The following GRIN2B variants were observed in gnomAD, a reference collection of about 807,000 sequenced individuals.
GRIN2B encodes glutamate ionotropic receptor NMDA type subunit 2B.
In GRIN2B, 5 loss-of-function variants were observed where a neutral mutation model predicts 114.5. The ratio of observed to expected loss-of-function variants is 0.04; its 90% CI spans 0.02 to 0.09. GRIN2B has a LOEUF of 0.09. Among genes scored for constraint, GRIN2B ranks in the 10% least tolerant of loss-of-function variants. The pLI, the probability that GRIN2B is intolerant of heterozygous loss-of-function variation, is 1.00. For missense variants in GRIN2B, 1,108 were observed against 1,943.5 expected, an observed-to-expected ratio of 0.57 and a Z score of 8.08; for synonymous variants, 787 against 745.1, an observed-to-expected ratio of 1.06 and a Z score of -0.92.
chr12:13,666,429 A>G (rs572676512), intron 5 of GRIN2B, among the ~76,000 whole-genome samples: 5 of 152,294 alleles, frequency 3.3e-5, no homozygotes, highest in Non-Finnish European at 5.9e-5. Context: ...CTCTGTCAGG[A>G]TAAACTAAAA....
chr12:13,790,930 C>T (rs116962554), intron 3 of GRIN2B, among the ~76,000 whole-genome samples: 2,485 of 152,186 alleles, frequency 0.016, 40 homozygotes, highest in Middle Eastern at 0.071. Context: ...GGCTGCTGTT[C>T]CAGTGGGAGT....
chr12:13,869,442 T>C (rs1175580507), intron 2 of GRIN2B, among the ~76,000 whole-genome samples: 2 of 152,114 alleles, frequency 1.3e-5, no homozygotes, highest in African/African-American at 4.8e-5. Flanking sequence ...GTTTCTACCA[T>C]TAGGTTGAAC....
Position 13,562,611 on chromosome 12 carries a change from T to C in GRIN2B, c.*172A>G, listed in dbSNP as rs1948559927. The C allele has an allele frequency of 1.6e-6, 1 of 640,814 alleles. No individual in the cohort carries two copies. Among genetic ancestry groups the C allele is most frequent in the Non-Finnish European group, 2.8e-6 (1 of 358,682 alleles). The allele number at this position is 640,814 out of a possible 1,614,324, so 39.7% of individuals were successfully genotyped here. On this transcript the variant is annotated 3_prime_UTR_variant, in exon 14 of 14. Coordinates refer to ENST00000609686, the MANE Select transcript of GRIN2B (RefSeq NM_000834.5). ...TGAAAAGGAGGAGAGATGGTGCTGG[T>C]CACCAGGGTTGCCCCCAGTAGGAAC...
chr12:13,575,837 C>G (rs1170902021), intron 10 of GRIN2B, among the ~76,000 whole-genome samples: 1 of 151,988 alleles, frequency 6.6e-6, no homozygotes, highest in Non-Finnish European at 1.5e-5. Flanking sequence ...ATTTATGGAC[C>G]TACCCTCTTT....
In GRIN2B at chr12:13,680,851, T is replaced by G. The variant is rs143031600; in HGVS notation, c.1011-4992A>C. Among the ~76,000 whole-genome samples, 11 of 152,168 alleles carry G rather than the reference T, an allele frequency of 7.2e-5. No homozygotes were observed. In the East Asian group the frequency reaches 2.1e-3, roughly 29 times the overall value. ...ATATAGATCCCTAATACAGACTGCA[T>G]AAAACAAAATCTATCTTAGATGATT... On this transcript the variant is annotated intron_variant, in intron 4 of 13. Coordinates refer to ENST00000609686, the MANE Select transcript of GRIN2B (RefSeq NM_000834.5).
chr12:13,887,140 C>G (rs1015987460), intron 2 of GRIN2B, among the ~76,000 whole-genome samples: 5 of 152,082 alleles, frequency 3.3e-5, no homozygotes, highest in African/African-American at 1.2e-4. Context: ...AGATTTCAAG[C>G]CAAAAATTAT....
intron 2 of GRIN2B, among the ~76,000 whole-genome samples, chr12:13,956,948 G>A (rs533916932): frequency 6.6e-6 from 1 of 152,260 alleles, no homozygotes; most frequent in South Asian, 2.1e-4. Context: ...TGTATAAACA[G>A]ACTCAATTTA....
intron 3 of GRIN2B, among the ~76,000 whole-genome samples, chr12:13,855,134 C>T (rs1565563650): frequency 6.6e-6 from 1 of 151,338 alleles, no homozygotes; most frequent in Non-Finnish European, 1.5e-5. Context: ...AGCAGAATCA[C>T]TTGAACCTGG....
intron 3 of GRIN2B, among the ~76,000 whole-genome samples, chr12:13,850,062 G>A (rs1175306672): frequency 1.3e-5 from 2 of 152,198 alleles, no homozygotes; most frequent in African/African-American, 4.8e-5. Flanking sequence ...GGAGGGTGCT[G>A]AGGGGGACAA....
At chr12:13,728,390 A>G (rs1863028486) in intron 4 of GRIN2B, among the ~76,000 whole-genome samples, 1 of 152,192 alleles carries the variant, frequency 6.6e-6, no homozygotes, top group Non-Finnish European at 1.5e-5. Flanking sequence ...TTAATATTTC[A>G]TCATCCAGCC....
intron 2 of GRIN2B, among the ~76,000 whole-genome samples, chr12:13,939,543 C>CATTT (rs781345220): frequency 1.7e-4 from 15 of 88,042 alleles, no homozygotes; most frequent in African/African-American, 5.3e-4. Context: ...CTGCACCGTG[C>CATTT]TTTTTTTTTT....
chr12:13,977,850 C>A (rs761499694), intron 2 of GRIN2B, among the ~76,000 whole-genome samples: 14 of 152,176 alleles, frequency 9.2e-5, no homozygotes, highest in Non-Finnish European at 1.5e-4. Flanking sequence ...TCTTAACAAG[C>A]CTCTTCCAGT....
At chr12:13,843,118 A>G (rs1407507624) in intron 3 of GRIN2B, among the ~76,000 whole-genome samples, 1 of 149,106 alleles carries the variant, frequency 6.7e-6, no homozygotes, top group Non-Finnish European at 1.5e-5. Context: ...GGGGAAAAAA[A>G]AAAAAAAAAC....
At chr12:13,584,149 C>A (rs1948887768) in intron 10 of GRIN2B, among the ~76,000 whole-genome samples, 1 of 152,196 alleles carries the variant, frequency 6.6e-6, no homozygotes, top group Non-Finnish European at 1.5e-5. Flanking sequence ...CCCTCACCCA[C>A]TCCTCAGGAG....
intron 2 of GRIN2B, among the ~76,000 whole-genome samples, chr12:13,893,545 T>G (rs979805784): frequency 1.3e-5 from 2 of 152,144 alleles, no homozygotes; most frequent in African/African-American, 4.8e-5. Context: ...TAATCATTAT[T>G]AACTAATGCC....
At chr12:13,744,419 G>T (rs1330559718) in intron 4 of GRIN2B, among the ~76,000 whole-genome samples, 2 of 152,186 alleles carry the variant, frequency 1.3e-5, no homozygotes, top group Non-Finnish European at 2.9e-5. Flanking sequence ...ACATGAATAT[G>T]AGTGTGTGCG....
chr12:13,886,192 T>C (rs1342011847), intron 2 of GRIN2B, among the ~76,000 whole-genome samples: 5 of 152,220 alleles, frequency 3.3e-5, no homozygotes, highest in South Asian at 4.1e-4. Context: ...AAGGCAAAGA[T>C]TATTTTCAGT....
intron 5 of GRIN2B, among the ~76,000 whole-genome samples, chr12:13,662,691 C>T (rs956991780): frequency 6.6e-6 from 1 of 152,092 alleles, no homozygotes; most frequent in Non-Finnish European, 1.5e-5. Context: ...GGAAAATATT[C>T]GCCAAATGCA....
At chr12:13,893,435 G>C (rs1356773488) in intron 2 of GRIN2B, among the ~76,000 whole-genome samples, 1 of 151,998 alleles carries the variant, frequency 6.6e-6, no homozygotes, top group African/African-American at 2.4e-5. Flanking sequence ...CAAAGGAAAA[G>C]AACATGAAAA....
Sources: gnomAD v4.1 joint callset for allele counts (sites outside exome capture counted in the v4.1 genomes callset) on GRCh38, gnomAD v4.1.1 for gene constraint, MANE v1.5 for transcripts, NCBI Gene and HGNC (gene_info 2026-07-23, HGNC 2026-07-21) for gene names.